The following CNTNAP4 variants were observed in gnomAD, a reference collection of about 807,000 sequenced individuals.
The protein encoded by CNTNAP4 is contactin associated protein family member 4, also known as contactin-associated protein-like 4.
In CNTNAP4, 98 loss-of-function variants were observed where a neutral mutation model predicts 148.4. The ratio of observed to expected loss-of-function variants is 0.66; its 90% CI spans 0.56 to 0.78. CNTNAP4 has a LOEUF of 0.78. Among genes scored for constraint, CNTNAP4 ranks in the 30% least tolerant of loss-of-function variants. The pLI, the probability that CNTNAP4 is intolerant of heterozygous loss-of-function variation, is 0.00. For synonymous variants in CNTNAP4, 730 were observed against 565.1 expected (o/e 1.29, Z -4.14); for missense variants, 1,935 against 1,565.6 (o/e 1.24, Z -3.98).
In CNTNAP4 at chr16:76,449,082, A is replaced by G. The variant is rs1597578079; in HGVS notation, c.927+131A>G. On this transcript the variant is annotated intron_variant, in intron 6 of 23. Coordinates refer to ENST00000611870, the MANE Select transcript of CNTNAP4 (RefSeq NM_033401.5). ...GAACAGGTGAAGCATTTCCCAAGGC[A>G]GTCTAACTCACAGTGGCAGCTTTCG... 4 of 822,266 alleles carry G rather than the reference A, an allele frequency of 4.9e-6. No individual in the cohort carries two copies. The East Asian group carries it at 1.1e-4, about 22-fold the overall frequency. The allele number at this position is 822,266 out of a possible 1,614,324, so 50.9% of individuals were successfully genotyped here.
Position 76,523,386 on chromosome 16 carries a change from T to C in CNTNAP4, c.2755+1129T>C, listed in dbSNP as rs145668929. ...TTCCCTCATTTTGCCCATTTTTTTT[T>C]CTGATATTTTCTGGTCACCTTCTTA... On this transcript the variant is annotated intron_variant, in intron 17 of 23. Transcript: ENST00000611870. Among the ~76,000 whole-genome samples the C allele has an allele frequency of 5.0e-3, 757 of 152,278 alleles. 6 individuals are homozygous for C. Among genetic ancestry groups the C allele is most frequent in the African/African-American group, 0.017 (726 of 41,552 alleles).
intron 3 of CNTNAP4, among the ~76,000 whole-genome samples, chr16:76,423,798 A>G (rs1423732797): frequency 6.6e-6 from 1 of 152,178 alleles, no homozygotes; most frequent in African/African-American, 2.4e-5. Context: ...TAAATATAAT[A>G]AATAGTAACT....
intron 10 of CNTNAP4, 72 bp downstream of exon 10, chr16:76,467,595 G>A (rs1378945172): frequency 1.8e-5 from 22 of 1,222,740 alleles, no homozygotes; most frequent in Non-Finnish European, 2.3e-5. Context: ...TGTATAAGAT[G>A]AACAATTATT....
intron 10 of CNTNAP4, 61 bp from the exon 11 acceptor site, chr16:76,475,878 G>A: frequency 1.8e-6 from 2 of 1,131,988 alleles, no homozygotes; most frequent in Admixed American, 1.8e-5. Context: ...AAGTATAAAT[G>A]GTCAATACTT....
At chr16:76,446,223 G>C (rs1301307021) in intron 4 of CNTNAP4, among the ~76,000 whole-genome samples, 3 of 152,172 alleles carry the variant, frequency 2.0e-5, no homozygotes, top group Non-Finnish European at 4.4e-5. Flanking sequence ...GGGCTTACAA[G>C]TAGCTATAAT....
intron 1 of CNTNAP4, among the ~76,000 whole-genome samples, chr16:76,296,689 A>G (rs1364838965): frequency 1.3e-5 from 2 of 152,154 alleles, no homozygotes; most frequent in African/African-American, 4.8e-5. Flanking sequence ...ATAGCTAATC[A>G]TGATGGTACA....
intron 2 of CNTNAP4, among the ~76,000 whole-genome samples, chr16:76,317,639 T>C (rs1961938651): frequency 6.6e-6 from 1 of 152,206 alleles, no homozygotes; most frequent in Non-Finnish European, 1.5e-5. Flanking sequence ...AATTTTACTC[T>C]TTGATGTTAT....
rs530869853 is a variant in CNTNAP4, at chr16:76,299,493, C to A, written c.86-16920C>A. ...TGGCGATCATTAAAAAGTCAGGAAA[C>A]AACAGGTGCTGGAGAGGATGTGGAG... On this transcript the variant is annotated intron_variant, in intron 1 of 23. Coordinates refer to ENST00000611870, the MANE Select transcript of CNTNAP4 (RefSeq NM_033401.5). 2.6e-5 allele frequency among the ~76,000 whole-genome samples: 4 copies of A among 152,198 alleles called. No individual in the cohort carries two copies. In the South Asian group the frequency reaches 6.2e-4, roughly 24 times the overall value.
At chr16:76,369,650 T>A (rs1038392674) in intron 3 of CNTNAP4, among the ~76,000 whole-genome samples, 1 of 152,208 alleles carries the variant, frequency 6.6e-6, no homozygotes, top group Non-Finnish European at 1.5e-5. Context: ...AAGAGCAACC[T>A]GAGCAACATA....
intron 15 of CNTNAP4, among the ~76,000 whole-genome samples, chr16:76,504,160 A>C (rs1054013178): frequency 2.6e-5 from 4 of 152,240 alleles, no homozygotes; most frequent in Admixed American, 6.5e-5. Flanking sequence ...GAAAAATATA[A>C]ACAAAGTTTG....
intron 3 of CNTNAP4, among the ~76,000 whole-genome samples, chr16:76,398,508 G>C (rs973400764): frequency 7.2e-5 from 11 of 152,070 alleles, no homozygotes; most frequent in African/African-American, 1.9e-4. Context: ...CCACCGCACT[G>C]CAAAGAGCAG....
intron 2 of CNTNAP4, among the ~76,000 whole-genome samples, chr16:76,323,577 T>G (rs1962655867): frequency 6.6e-6 from 1 of 152,206 alleles, no homozygotes; most frequent in East Asian, 1.9e-4. Context: ...ATAGAATCAC[T>G]TCTATTTTTG....
intron 1 of CNTNAP4, among the ~76,000 whole-genome samples, chr16:76,292,406 C>T (rs1240843261): frequency 6.6e-6 from 1 of 151,904 alleles, no homozygotes; most frequent in Non-Finnish European, 1.5e-5. Flanking sequence ...TGTCACCCTC[C>T]AGGAAACCCT....
chr16:76,359,834 A>G (rs1235499122), intron 3 of CNTNAP4, among the ~76,000 whole-genome samples: 5 of 152,216 alleles, frequency 3.3e-5, no homozygotes, highest in Non-Finnish European at 1.5e-5. Context: ...GAAAAAGTAA[A>G]CATAAGGTAT....
intron 4 of CNTNAP4, among the ~76,000 whole-genome samples, chr16:76,430,149 A>G (rs1480208597): frequency 6.6e-6 from 1 of 152,210 alleles, no homozygotes; most frequent in Non-Finnish European, 1.5e-5. Flanking sequence ...TGGCATTGCA[A>G]TATATTTATT....
chr16:76,526,738 C>T, intron 17 of CNTNAP4, among the ~76,000 whole-genome samples: 1 of 152,060 alleles, frequency 6.6e-6, no homozygotes, highest in East Asian at 1.9e-4. Context: ...CAGAGGTGTG[C>T]TCACTGCTAA....
chr16:76,545,309 TAGA>T (rs377675298), intron 21 of CNTNAP4, among the ~76,000 whole-genome samples: 25 of 152,302 alleles, frequency 1.6e-4, no homozygotes, highest in African/African-American at 5.1e-4. Flanking sequence ...TGGCCATACC[TAGA>T]AGCTTATTCT....
At chr16:76,452,366 G>A in intron 7 of CNTNAP4, 142 bp from the exon 8 acceptor site, 1 of 691,248 alleles carries the variant, frequency 1.4e-6, no homozygotes, top group Non-Finnish European at 2.4e-6. Context: ...AAGAAATATG[G>A]CAGTGGTTTG....
At chr16:76,362,834 A>G (rs1362625319) in intron 3 of CNTNAP4, among the ~76,000 whole-genome samples, 1 of 152,206 alleles carries the variant, frequency 6.6e-6, no homozygotes, top group Non-Finnish European at 1.5e-5. Context: ...AATAATCTGT[A>G]CATAAAACCA....
Sources: allele counts gnomAD v4.1 joint callset (sites outside exome capture counted in the v4.1 genomes callset), GRCh38; gene constraint gnomAD v4.1.1; transcripts MANE v1.5; gene names NCBI Gene and HGNC (gene_info 2026-07-23, HGNC 2026-07-21).